The following PYM1 variants were observed in gnomAD, a reference collection of about 807,000 sequenced individuals.
The protein encoded by PYM1 is partner of Y14 and mago.
Under a neutral mutation model 20.7 loss-of-function variants are expected in PYM1, and 7 were observed. The observed-to-expected ratio is 0.34, with a 90% confidence interval of 0.19 to 0.64. PYM1 has a LOEUF of 0.64. Among genes scored for constraint, PYM1 ranks in the 30% least tolerant of loss-of-function variants. The pLI is 0.74. For synonymous variants in PYM1, 100 were observed against 99.2 expected (o/e 1.01, Z -0.05); for missense variants, 194 against 250.0 (o/e 0.78, Z 1.51).
chr12:55,910,434 C>A (rs535155288), intron 1 of PYM1, among the ~76,000 whole-genome samples: 1 of 152,062 alleles, frequency 6.6e-6, no homozygotes, highest in East Asian at 1.9e-4. Context: ...CGCATCACCA[C>A]ACCTGGCTAA....
intron 1 of PYM1, chr12:55,927,329 G>T (rs1883211971): frequency 2.6e-6 from 2 of 768,078 alleles, no homozygotes; most frequent in East Asian, 2.7e-5. Flanking sequence ...ATTACTGAGC[G>T]CTTGCTGCCT....
chr12:55,908,036 G>A (rs751584317), intron 1 of PYM1, among the ~76,000 whole-genome samples: 1 of 151,912 alleles, frequency 6.6e-6, no homozygotes, highest in African/African-American at 2.4e-5. Flanking sequence ...TTGAGGTCAG[G>A]AGTTCGAGAC....
At position 55,914,506 on chromosome 12, in the gene PYM1, C is replaced by T. The variant is rs78440415; in HGVS notation, c.38-11026G>A. 902 of 619,592 alleles carry T rather than the reference C, an allele frequency of 1.5e-3. 11 individuals are homozygous for T. Among genetic ancestry groups the T allele is most frequent in the African/African-American group, 0.014 (769 of 54,486 alleles). 38.4% of individuals were successfully genotyped at this position (619,592 alleles called of 1,614,324 possible). ...TTCTCACATCTGCCGTTTTTTAATT[C>T]TCAATCTATTTCCTTAAGTCTGTCA... is the stretch of plus-strand genomic sequence containing the variant. On this transcript the variant is annotated intron_variant, in intron 1 of 2. Coordinates refer to ENST00000408946, the MANE Select transcript of PYM1 (RefSeq NM_032345.3).
intron 1 of PYM1, chr12:55,913,872 T>C: frequency 6.4e-6 from 1 of 156,374 alleles, no homozygotes; most frequent in Non-Finnish European, 1.4e-5. Context: ...CCAGACACTG[T>C]AACAGAAGCT....
At chr12:55,910,252 C>CATATATATGTATATAT (rs1555180836) in intron 1 of PYM1, among the ~76,000 whole-genome samples, 53 of 142,738 alleles carry the variant, frequency 3.7e-4, no homozygotes, top group African/African-American at 1.2e-3. Flanking sequence ...TGGTTTTATA[C>CATATATATGTATATAT]ATATATATAT....
intron 1 of PYM1, among the ~76,000 whole-genome samples, chr12:55,914,630 G>A (rs1163202776): frequency 1.3e-5 from 2 of 152,208 alleles, no homozygotes; most frequent in Non-Finnish European, 2.9e-5. Context: ...CTCCAAAGAG[G>A]TAGGGGACAT....
chr12:55,923,881 A>G (rs1883142550), intron 1 of PYM1, among the ~76,000 whole-genome samples: 1 of 151,990 alleles, frequency 6.6e-6, no homozygotes, highest in Non-Finnish European at 1.5e-5. Flanking sequence ...TTCGAGGCCA[A>G]CCTGACCAAT....
rs1419614889 is a variant in PYM1 at position 55,927,780 on chromosome 12, C to G, written c.-19G>C. 4.4e-5 allele frequency: 68 copies of G among 1,537,586 alleles called. No individual in the cohort carries two copies. The highest frequency in any genetic ancestry group is 5.8e-5 in the Non-Finnish European group (67 of 1,145,824). On this transcript the variant is annotated 5_prime_UTR_variant, in exon 1 of 3. Transcript: ENST00000408946. Reference sequence around the variant, plus strand: ...CTTCCATGGCCGAAGAGGCAGCGGACCAGGTTGGGCGGGCGGCCCTGGCCT... The same window carrying G: ...CTTCCATGGCCGAAGAGGCAGCGGAGCAGGTTGGGCGGGCGGCCCTGGCCT...
At chr12:55,913,904 G>A (rs1258262021) in intron 1 of PYM1, 1 of 162,510 alleles carries the variant, frequency 6.2e-6, no homozygotes, top group African/African-American at 2.4e-5. Flanking sequence ...AATGAATAAA[G>A]CAAGCAAGGT....
chr12:55,905,800 TAAATA>T (rs1483839167), intron 1 of PYM1, among the ~76,000 whole-genome samples: 2 of 129,630 alleles, frequency 1.5e-5, no homozygotes, highest in Admixed American at 1.8e-4. Flanking sequence ...TTATATAAAA[TAAATA>T]AGTTTTCAAA....
chr12:55,926,943 T>G, intron 1 of PYM1: 1 of 939,986 alleles, frequency 1.1e-6, no homozygotes, highest in East Asian at 2.7e-5. Context: ...TAGGAGAGAA[T>G]GAATGGGGAA....
chr12:55,922,893 T>C (rs929339579), intron 1 of PYM1, among the ~76,000 whole-genome samples: 3 of 152,140 alleles, frequency 2.0e-5, no homozygotes, highest in Non-Finnish European at 4.4e-5. Context: ...CTAAATGTTA[T>C]GTAGTACCCT....
intron 1 of PYM1, chr12:55,927,042 C>G: frequency 1.3e-6 from 2 of 1,496,728 alleles, no homozygotes; most frequent in Non-Finnish European, 1.8e-6. Flanking sequence ...CCCGAGAGCC[C>G]GGAGAGAAGC....
At chr12:55,921,491 T>C (rs1226261364) in intron 1 of PYM1, among the ~76,000 whole-genome samples, 1 of 151,692 alleles carries the variant, frequency 6.6e-6, no homozygotes, top group Non-Finnish European at 1.5e-5. Context: ...TAAAAGATGA[T>C]AATAAAAATA....
At chr12:55,927,561 G>A in intron 1 of PYM1, 164 bp downstream of exon 1, 1 of 876,034 alleles carries the variant, frequency 1.1e-6, no homozygotes, top group Non-Finnish European at 1.7e-6. Context: ...CTCCAGGAAC[G>A]CACTGGGGCG....
chr12:55,907,975 G>T (rs1453422276), intron 1 of PYM1, among the ~76,000 whole-genome samples: 1 of 151,250 alleles, frequency 6.6e-6, no homozygotes, highest in Non-Finnish European at 1.5e-5. Context: ...TGGGCATGGT[G>T]GCTCATGCCT....
In PYM1 at chr12:55,926,399, C is replaced by CA. The variant is rs550143688; in HGVS notation, c.37+1325dup. 3.7e-4 allele frequency among the ~76,000 whole-genome samples: 57 copies of CA among 152,302 alleles called. 2 individuals carry two copies. In the East Asian group the frequency reaches 4.1e-3, roughly 11 times the overall value. On this transcript the variant is annotated intron_variant, in intron 1 of 2. Transcript: ENST00000408946. The stretch of plus-strand genomic sequence containing the variant: ...GGAATAGTGGGTTTTATTCACTTGT[C>CA]AAAGGGCTTCGGAGAAAAGCCACTA...
Position 55,901,708 on chromosome 12 carries a change from G to A in PYM1, c.*164C>T. ...AGTAGAAGTTGGGAAGAAAAGGGAA[G>A]GATTGAGGGAGACGCTAGGCTCTGG... On this transcript the variant is annotated 3_prime_UTR_variant, in exon 3 of 3. Coordinates refer to ENST00000408946, the MANE Select transcript of PYM1 (RefSeq NM_032345.3). 2.0e-6 allele frequency: 2 copies of A among 999,704 alleles called. No homozygotes were observed. Among genetic ancestry groups the A allele is most frequent in the Non-Finnish European group, 2.9e-6 (2 of 694,026 alleles). The allele number at this position is 999,704 out of a possible 1,614,324, so 61.9% of individuals were successfully genotyped here.
chr12:55,918,026 G>A (rs1365513617), intron 1 of PYM1, among the ~76,000 whole-genome samples: 3 of 151,524 alleles, frequency 2.0e-5, no homozygotes, highest in Admixed American at 2.0e-4. Flanking sequence ...TCTGGGTGAT[G>A]GGATCACTCA....
Sources: allele counts gnomAD v4.1 joint callset (sites outside exome capture counted in the v4.1 genomes callset), GRCh38; gene constraint gnomAD v4.1.1; transcripts MANE v1.5; gene names NCBI Gene and HGNC (gene_info 2026-07-23, HGNC 2026-07-21).